RPRD1B: variants seen among roughly 807,000 people sequenced by gnomAD.
RPRD1B encodes the protein regulation of nuclear pre-mRNA domain-containing protein 1B.
In RPRD1B, 11 loss-of-function variants were observed where a neutral mutation model predicts 41.5. That is an observed-to-expected ratio of 0.27 (90% confidence interval 0.17 to 0.44). RPRD1B has a LOEUF of 0.44. Among genes scored for constraint, RPRD1B ranks in the 20% least tolerant of loss-of-function variants. The pLI is 1.00. For missense variants in RPRD1B, 248 were observed against 389.9 expected (o/e 0.64, Z 3.06); for synonymous variants, 158 against 155.6 (o/e 1.02, Z -0.12).
intron 6 of RPRD1B, among the ~76,000 whole-genome samples, chr20:38,084,327 G>A (rs2074541694): frequency 6.6e-6 from 1 of 152,170 alleles, no homozygotes; most frequent in Non-Finnish European, 1.5e-5. Context: ...GGGTAGCCGA[G>A]CAGTGGGTGA....
chr20:38,076,168 C>T (rs1043567706), intron 6 of RPRD1B, among the ~76,000 whole-genome samples: 11 of 152,176 alleles, frequency 7.2e-5, no homozygotes, highest in Non-Finnish European at 1.3e-4. Flanking sequence ...AGGAATTGTT[C>T]CCTTTAAGAT....
chr20:38,073,367 C>T (rs995915150), intron 6 of RPRD1B, among the ~76,000 whole-genome samples: 3 of 152,250 alleles, frequency 2.0e-5, no homozygotes, highest in South Asian at 2.1e-4. Flanking sequence ...TGTTTCTCCT[C>T]GCTTGGCACC....
chr20:38,034,142 C>G, intron 1 of RPRD1B, 44 bp downstream of exon 1: 1 of 1,589,464 alleles, frequency 6.3e-7, no homozygotes, highest in East Asian at 2.2e-5. Context: ...CCGGATTGTC[C>G]TCTCGCCCAC....
chr20:38,092,184 G>C lies in RPRD1B; in HGVS notation c.*2309G>C, dbSNP rs181498428. ...CCTTTCCTTTAGGTCATATTCCTCA[G>C]AAAGTCTTCAATCTTCCCTTGTTTT... On this transcript the variant is annotated 3_prime_UTR_variant, in exon 7 of 7. Coordinates refer to ENST00000373433, the MANE Select transcript of RPRD1B (RefSeq NM_021215.4). 6.5e-3 allele frequency: 6,435 copies of C among 985,652 alleles called. 20 individuals are homozygous for C. Among genetic ancestry groups the C allele is most frequent in the Non-Finnish European group, 7.2e-3 (5,969 of 829,840 alleles). 61.1% of individuals were successfully genotyped at this position (985,652 alleles called of 1,614,324 possible). A position where few individuals can be genotyped will look rare whatever the true frequency, so the allele number is the denominator to read the frequency against.
chr20:38,078,317 A>G (rs1250995738), intron 6 of RPRD1B, among the ~76,000 whole-genome samples: 1 of 152,150 alleles, frequency 6.6e-6, no homozygotes, highest in African/African-American at 2.4e-5. Flanking sequence ...CTCAGGCTTT[A>G]CATATGCTGT....
chr20:38,089,267 G>T (rs1259085533), intron 6 of RPRD1B, among the ~76,000 whole-genome samples: 1 of 152,116 alleles, frequency 6.6e-6, no homozygotes, highest in African/African-American at 2.4e-5. Flanking sequence ...TATAGTGCTT[G>T]TTTGCAAAAC....
At chr20:38,069,840 A>T (rs1473146602) in intron 6 of RPRD1B, among the ~76,000 whole-genome samples, 1 of 152,238 alleles carries the variant, frequency 6.6e-6, no homozygotes, top group Non-Finnish European at 1.5e-5. Flanking sequence ...TGTGAGAGTT[A>T]TCAAATCATG....
At chr20:38,085,502 A>G (rs141090352) in intron 6 of RPRD1B, 3 of 152,336 alleles carry the variant, frequency 2.0e-5, no homozygotes, top group Middle Eastern at 3.4e-3. Context: ...GACAAGGTGG[A>G]AGAATCTGAG....
intron 6 of RPRD1B, among the ~76,000 whole-genome samples, chr20:38,078,517 G>A (rs2074485590): frequency 6.6e-6 from 1 of 151,678 alleles, no homozygotes; most frequent in South Asian, 2.1e-4. Flanking sequence ...TTCCTTCAGA[G>A]CACCACATAG....
Position 38,061,867 on chromosome 20 carries a change from C to A in RPRD1B, c.655+2347C>A, listed in dbSNP as rs144482761. Among the ~76,000 whole-genome samples the A allele has an allele frequency of 4.8e-3, 731 of 152,244 alleles. 4 individuals are homozygous for A. The highest frequency in any genetic ancestry group is 0.016 in the African/African-American group (673 of 41,524). On this transcript the variant is annotated intron_variant, in intron 5 of 6. Transcript: ENST00000373433. The stretch of plus-strand genomic sequence containing the variant: ...GTTGGAATAATGCCTCCTGACCCCC[C>A]ACCCCGCAAACACCCATGTTTTAAT...
At chr20:38,075,642 T>G (rs1454251570) in intron 6 of RPRD1B, among the ~76,000 whole-genome samples, 1 of 152,258 alleles carries the variant, frequency 6.6e-6, no homozygotes, top group Non-Finnish European at 1.5e-5. Flanking sequence ...GATTGTGGCA[T>G]ACTTTGCAAT....
At chr20:38,065,817 G>T in intron 5 of RPRD1B, 1 of 316,260 alleles carries the variant, frequency 3.2e-6, no homozygotes, top group Non-Finnish European at 5.8e-6. Flanking sequence ...GCTTTTGCAG[G>T]AACAGGCATT....
At chr20:38,058,852 A>G (rs146759649) in intron 4 of RPRD1B, among the ~76,000 whole-genome samples, 511 of 152,188 alleles carry the variant, frequency 3.4e-3, no homozygotes, top group Non-Finnish European at 5.5e-3. Flanking sequence ...GACTATAGAC[A>G]TATGCCACCA....
At position 38,092,242 on chromosome 20, in the gene RPRD1B, A is replaced by C. The variant is rs1004163735; in HGVS notation, c.*2367A>C. On this transcript the variant is annotated 3_prime_UTR_variant, in exon 7 of 7. Transcript: ENST00000373433. ...TTGTTTTTCTTAAAGAATATTTTCA[A>C]AGCTTAAATTTGTATATTAATTTAG... 1 of 984,894 alleles carries C rather than the reference A, an allele frequency of 1.0e-6. No homozygotes were observed. The highest frequency in any genetic ancestry group is 1.7e-5 in the African/African-American group (1 of 57,212). The allele number at this position is 984,894 out of a possible 1,614,324, so 61.0% of individuals were successfully genotyped here. A position where few individuals can be genotyped will look rare whatever the true frequency, so the allele number is the denominator to read the frequency against.
chr20:38,051,217 T>C lies in RPRD1B; in HGVS notation c.415+2736T>C, dbSNP rs958034. On this transcript the variant is annotated intron_variant, in intron 3 of 6. Transcript: ENST00000373433. Reference sequence around the variant, plus strand: ...AACATCACACTGTACCCTATAAATATATACAATTATTATTTGTCACTTAAA... The same window carrying C: ...AACATCACACTGTACCCTATAAATACATACAATTATTATTTGTCACTTAAA... Among the ~76,000 whole-genome samples the C allele has an allele frequency of 9.1e-3, 1,384 of 152,342 alleles. 16 individuals carry two copies. The highest frequency in any genetic ancestry group is 0.03 in the African/African-American group (1,264 of 41,570).
intron 3 of RPRD1B, among the ~76,000 whole-genome samples, chr20:38,054,673 T>A (rs1006282768): frequency 6.6e-6 from 1 of 152,232 alleles, no homozygotes; most frequent in Non-Finnish European, 1.5e-5. Flanking sequence ...TAGTGTTTGA[T>A]GTTTATATAT....
rs777704147 is a variant in RPRD1B at position 38,089,827 on chromosome 20, G to C, written c.933G>C (p.Gly311=). 6.2e-7 allele frequency: 1 copy of C among 1,614,168 alleles called. No homozygotes were observed. Among genetic ancestry groups the C allele is most frequent in the Admixed American group, 1.7e-5 (1 of 60,020 alleles). Residue 311 remains glycine, a synonymous_variant, in exon 7 of 7, where the codon GGG becomes GGC. Transcript: ENST00000373433. The part of the protein sequence containing the change: ...PDLSLLPNVT[G]GLAPLPSAGD... ...TCTCACTGCTGCCCAACGTCACAGG[G>C]GGCTTAGCCCCCCTGCCCTCTGCTG... is the stretch of plus-strand genomic sequence containing the variant.
At chr20:38,035,353 A>G (rs1013602896) in intron 1 of RPRD1B, among the ~76,000 whole-genome samples, 3 of 152,206 alleles carry the variant, frequency 2.0e-5, no homozygotes, top group East Asian at 1.9e-4. Context: ...TGGCTTTACA[A>G]GTGTTCTATA....
chr20:38,076,156 G>A (rs757380283), intron 6 of RPRD1B, among the ~76,000 whole-genome samples: 1 of 152,192 alleles, frequency 6.6e-6, no homozygotes, highest in African/African-American at 2.4e-5. Flanking sequence ...CATAGACTCA[G>A]TAGGAATTGT....
Sources: allele counts gnomAD v4.1 joint callset (sites outside exome capture counted in the v4.1 genomes callset), GRCh38; gene constraint gnomAD v4.1.1; transcripts MANE v1.5; gene names NCBI Gene and HGNC (gene_info 2026-07-23, HGNC 2026-07-21).